PDE10A: variants seen among roughly 807,000 people sequenced by gnomAD.
PDE10A encodes the protein phosphodiesterase 10A.
A neutral mutation model predicts 97.7 loss-of-function variants in PDE10A; 39 were observed. The ratio of observed to expected loss-of-function variants is 0.40; its 90% confidence interval spans 0.31 to 0.52. The LOEUF (loss-of-function observed/expected upper bound fraction) is 0.52, where lower values mean the gene tolerates loss of function less well. Ranked by LOEUF, PDE10A falls within the 20% of genes least tolerant of loss-of-function variation. The pLI is 0.56. For missense variants in PDE10A, 731 were observed against 1,047.8 expected (o/e 0.70, Z 4.17); for synonymous variants, 371 against 376.8 (o/e 0.98, Z 0.18).
At chr6:165,638,013 A>T (rs914094961) in intron 1 of PDE10A, among the ~76,000 whole-genome samples, 1 of 152,092 alleles carries the variant, frequency 6.6e-6, no homozygotes, top group African/African-American at 2.4e-5. Context: ...TCCTCCAGCC[A>T]GCCCTCGCCT....
chr6:165,465,355 T>C (rs1778577449), intron 3 of PDE10A, among the ~76,000 whole-genome samples: 1 of 152,118 alleles, frequency 6.6e-6, no homozygotes, highest in Non-Finnish European at 1.5e-5. Flanking sequence ...CTAAACAGCA[T>C]ATAAAGGGCC....
chr6:165,916,089 C>A (rs1008355064), intron 1 of PDE10A, among the ~76,000 whole-genome samples: 42 of 152,268 alleles, frequency 2.8e-4, no homozygotes, highest in African/African-American at 9.6e-4. Context: ...ACAAAGTGGC[C>A]GTGTTAACAT....
chr6:165,368,306 A>C (rs1450645711), intron 18 of PDE10A, among the ~76,000 whole-genome samples: 1 of 152,204 alleles, frequency 6.6e-6, no homozygotes, highest in African/African-American at 2.4e-5. Flanking sequence ...CATATTTCTT[A>C]AATTCTTTAA....
chr6:165,776,559 G>T (rs1320760901), intron 1 of PDE10A, among the ~76,000 whole-genome samples: 3 of 152,132 alleles, frequency 2.0e-5, no homozygotes, highest in Non-Finnish European at 4.4e-5. Flanking sequence ...CTTAATAATG[G>T]CATTCATCAC....
At chr6:165,432,771 T>C (rs886879661) in intron 7 of PDE10A, among the ~76,000 whole-genome samples, 1 of 152,136 alleles carries the variant, frequency 6.6e-6, no homozygotes, top group African/African-American at 2.4e-5. Flanking sequence ...AAGGACCATA[T>C]CTCTTATGTA....
At chr6:165,699,348 A>C (rs6906593) in intron 1 of PDE10A, among the ~76,000 whole-genome samples, 13,876 of 152,250 alleles carry the variant, frequency 0.091, 960 homozygotes, top group East Asian at 0.23. Flanking sequence ...AGGAAACAAA[A>C]CCTAATGAAC....
At chr6:165,357,059 T>C (rs976264795) in intron 18 of PDE10A, among the ~76,000 whole-genome samples, 2 of 152,142 alleles carry the variant, frequency 1.3e-5, no homozygotes, top group African/African-American at 4.8e-5. Flanking sequence ...TTCCATTGTA[T>C]TCCTAGTTTT....
intron 2 of PDE10A, among the ~76,000 whole-genome samples, chr6:165,509,553 T>C (rs1455423227): frequency 6.6e-6 from 1 of 151,846 alleles, no homozygotes; most frequent in Non-Finnish European, 1.5e-5. Flanking sequence ...CGGGATTGCT[T>C]TGGCTATTTT....
intron 1 of PDE10A, among the ~76,000 whole-genome samples, chr6:165,610,996 G>A (rs756084530): frequency 7.9e-5 from 12 of 151,760 alleles, no homozygotes; most frequent in Admixed American, 3.9e-4. Flanking sequence ...GCGAGTCTAC[G>A]TCAGCTTTAA....
intron 1 of PDE10A, among the ~76,000 whole-genome samples, chr6:165,907,356 G>C (rs1002513473): frequency 6.6e-6 from 1 of 152,260 alleles, no homozygotes; most frequent in Non-Finnish European, 1.5e-5. Context: ...TAGAGGCTGA[G>C]GTGTGAGGGG....
chr6:165,875,731 G>GTTTTTTTT (rs748111095), intron 1 of PDE10A, among the ~76,000 whole-genome samples: 28 of 46,904 alleles, frequency 6.0e-4, no homozygotes, highest in African/African-American at 2.0e-3. Flanking sequence ...TTCTTTTACT[G>GTTTTTTTT]TTTTTTTTTT....
At position 165,582,763 on chromosome 6, in the gene PDE10A, C is replaced by T. The variant is rs140812266; in HGVS notation, c.866-39195G>A. On this transcript the variant is annotated intron_variant, in intron 1 of 21. Transcript: ENST00000539869. The stretch of plus-strand genomic sequence containing the variant: ...ACAAGTATAGATGACTCTCTATTTA[C>T]GAACTTTTATCTCTTGAAGTTCTTT... Among the ~76,000 whole-genome samples, 4 of 151,890 alleles carry T rather than the reference C, an allele frequency of 2.6e-5. No individual in the cohort carries two copies. In the East Asian group the frequency reaches 5.8e-4, roughly 22 times the overall value.
chr6:165,641,640 G>C (rs1177800911), intron 1 of PDE10A, among the ~76,000 whole-genome samples: 4 of 152,152 alleles, frequency 2.6e-5, no homozygotes, highest in African/African-American at 9.7e-5. Context: ...GAGTGCCTTG[G>C]GGGCAGGCCC....
chr6:165,747,479 T>C (rs937794244), intron 1 of PDE10A, among the ~76,000 whole-genome samples: 6 of 152,250 alleles, frequency 3.9e-5, no homozygotes, highest in African/African-American at 1.4e-4. Context: ...ATTTTATAGA[T>C]GAAGAAAATG....
At chr6:165,614,898 T>G (rs1279698015) in intron 1 of PDE10A, among the ~76,000 whole-genome samples, 1 of 150,926 alleles carries the variant, frequency 6.6e-6, no homozygotes. Context: ...TTAAACCCAT[T>G]GGGCAGAATT....
In PDE10A at chr6:165,795,494, G is replaced by C. The variant is rs529017458; in HGVS notation, c.-615+192035C>G. ...TAGTCCCAGCAATTTGGGAGGCTGAGGTGGGCAGATCACCTGAGGTCAGGA... is the reference window on the plus strand; with the variant it reads ...TAGTCCCAGCAATTTGGGAGGCTGACGTGGGCAGATCACCTGAGGTCAGGA... On this transcript the variant is annotated intron_variant, in intron 1 of 19. Coordinates refer to the PDE10A transcript ENST00000366882. Among the ~76,000 whole-genome samples, 4 of 152,224 alleles carry C rather than the reference G, an allele frequency of 2.6e-5. No homozygotes were observed. The East Asian group carries it at 7.7e-4, about 29-fold the overall frequency.
At chr6:165,345,149 A>G (rs185637058) in intron 18 of PDE10A, among the ~76,000 whole-genome samples, 3 of 152,318 alleles carry the variant, frequency 2.0e-5, no homozygotes, top group Non-Finnish European at 2.9e-5. Flanking sequence ...AAAATAACGT[A>G]TATCATGGTG....
chr6:165,914,506 C>T (rs944014955), intron 1 of PDE10A, among the ~76,000 whole-genome samples: 8 of 152,062 alleles, frequency 5.3e-5, no homozygotes, highest in Admixed American at 2.6e-4. Context: ...AAACAGATGC[C>T]GAAACAGAGA....
chr6:165,935,376 A>G (rs1318351556), intron 1 of PDE10A, among the ~76,000 whole-genome samples: 1 of 152,244 alleles, frequency 6.6e-6, no homozygotes, highest in African/African-American at 2.4e-5. Flanking sequence ...TAGATGACAA[A>G]GGGCACTGAG....
Sources: gnomAD v4.1 joint callset for allele counts (sites outside exome capture counted in the v4.1 genomes callset) on GRCh38, gnomAD v4.1.1 for gene constraint, MANE v1.5 for transcripts, NCBI Gene and HGNC (gene_info 2026-07-23, HGNC 2026-07-21) for gene names.